ZFYVE28: variants seen among roughly 807,000 people sequenced by gnomAD.
ZFYVE28 encodes the protein lateral signaling target protein 2 homolog.
A neutral mutation model predicts 82.1 loss-of-function variants in ZFYVE28; 40 were observed. The observed-to-expected ratio is 0.49, with a 90% CI of 0.38 to 0.63. The LOEUF is 0.63. Ranked by LOEUF, ZFYVE28 falls within the 30% of genes least tolerant of loss-of-function variation. ZFYVE28 has a pLI of 0.00. For synonymous variants in ZFYVE28, 612 were observed against 546.1 expected (o/e 1.12, Z -1.68); for missense variants, 1,321 against 1,242.1 (o/e 1.06, Z -0.96).
rs185858808 is a variant in ZFYVE28, at chr4:2,385,449, C to T, written c.40-31376G>A. ...CCCTTACAGAGCTGCTGTCTCCTGA[C>T]CCCGGCCTGCCAAAGTTGGGATTTG... is the stretch of plus-strand genomic sequence containing the variant. On this transcript the variant is annotated intron_variant, in intron 1 of 12. Transcript: ENST00000290974. Among the ~76,000 whole-genome samples the T allele has an allele frequency of 2.0e-4, 30 of 152,354 alleles. No homozygotes were observed. In the East Asian group the frequency reaches 5.2e-3, roughly 26 times the overall value.
intron 7 of ZFYVE28, among the ~76,000 whole-genome samples, chr4:2,308,627 C>CAGAAAGAAAAAGAA: frequency 2.5e-5 from 2 of 79,582 alleles, no homozygotes; most frequent in East Asian, 7.5e-4. Context: ...AGAAAGAAGA[C>CAGAAAGAAAAAGAA]AGAAAGAAAG....
At chr4:2,321,840 G>A (rs866983004) in intron 6 of ZFYVE28, among the ~76,000 whole-genome samples, 13 of 152,092 alleles carry the variant, frequency 8.5e-5, no homozygotes, top group Admixed American at 2.6e-4. Flanking sequence ...TGCCTGTGCC[G>A]GGCAGCAGCG....
chr4:2,317,383 C>A (rs1235467480), intron 7 of ZFYVE28, among the ~76,000 whole-genome samples: 1 of 152,166 alleles, frequency 6.6e-6, no homozygotes, highest in African/African-American at 2.4e-5. Flanking sequence ...GGGGACTACC[C>A]CTTTCTCTGT....
chr4:2,289,248 C>T (rs1713223270), intron 8 of ZFYVE28, among the ~76,000 whole-genome samples: 2 of 152,324 alleles, frequency 1.3e-5, no homozygotes, highest in South Asian at 2.1e-4. Flanking sequence ...TGCCATTGCA[C>T]TCCAGCTTGG....
chr4:2,290,175 G>A (rs1713397066), intron 8 of ZFYVE28, among the ~76,000 whole-genome samples: 2 of 152,170 alleles, frequency 1.3e-5, no homozygotes, highest in African/African-American at 2.4e-5. Context: ...AGGGGACAAG[G>A]CCGCCCATGC....
At chr4:2,278,189 G>A (rs1468525610) in intron 8 of ZFYVE28, among the ~76,000 whole-genome samples, 1 of 151,078 alleles carries the variant, frequency 6.6e-6, no homozygotes, top group Non-Finnish European at 1.5e-5. Flanking sequence ...CATATATCTA[G>A]ATGTCAGAGC....
intron 7 of ZFYVE28, among the ~76,000 whole-genome samples, chr4:2,319,634 G>T (rs548514653): frequency 8.2e-4 from 125 of 152,348 alleles, no homozygotes; most frequent in African/African-American, 2.9e-3. Context: ...GCCACGGCTG[G>T]GCTCTGTCGG....
intron 8 of ZFYVE28, among the ~76,000 whole-genome samples, chr4:2,290,379 T>C (rs1445086322): frequency 6.6e-6 from 1 of 152,170 alleles, no homozygotes; most frequent in Non-Finnish European, 1.5e-5. Flanking sequence ...ACAATGTGCC[T>C]GGTGAGACAG....
At chr4:2,274,311 C>T (rs575590922) in intron 8 of ZFYVE28, 95 bp from the exon 9 acceptor site, 33 of 1,450,214 alleles carry the variant, frequency 2.3e-5, no homozygotes, top group Admixed American at 1.7e-4. Flanking sequence ...TCTGTGTCCT[C>T]GCAGACGCTC....
At chr4:2,404,218 A>T (rs1206000853) in intron 1 of ZFYVE28, among the ~76,000 whole-genome samples, 1 of 147,422 alleles carries the variant, frequency 6.8e-6, no homozygotes, top group Non-Finnish European at 1.5e-5. Context: ...GCTACTCAGG[A>T]GGCTGAGGCA....
In ZFYVE28 at chr4:2,395,911, C is replaced by A. The variant is rs576754449; in HGVS notation, c.39+22374G>T. 4.2e-3 allele frequency among the ~76,000 whole-genome samples: 640 copies of A among 152,304 alleles called. 4 individuals carry two copies. Among genetic ancestry groups the A allele is most frequent in the African/African-American group, 0.015 (606 of 41,562 alleles). Reference sequence around the variant, plus strand: ...AGGGGGTTCCTTGTCAGGGGCTCTCCTGTGCATTGTGGGATGGCTAGCAGC... The same window carrying A: ...AGGGGGTTCCTTGTCAGGGGCTCTCATGTGCATTGTGGGATGGCTAGCAGC... On this transcript the variant is annotated intron_variant, in intron 1 of 12. Transcript: ENST00000290974.
At chr4:2,415,935 C>T (rs1216372888) in intron 1 of ZFYVE28, among the ~76,000 whole-genome samples, 1 of 152,214 alleles carries the variant, frequency 6.6e-6, no homozygotes, top group African/African-American at 2.4e-5. Flanking sequence ...TGGCCAGAGA[C>T]AGATCTGAAA....
chr4:2,272,526 ATGTG>A (rs1240698380), intron 10 of ZFYVE28, among the ~76,000 whole-genome samples: 1 of 152,186 alleles, frequency 6.6e-6, no homozygotes, highest in Non-Finnish European at 1.5e-5. Flanking sequence ...ACATGTGTGC[ATGTG>A]TGTGGGTGTG....
At chr4:2,340,489 G>C (rs1722614205) in intron 3 of ZFYVE28, among the ~76,000 whole-genome samples, 1 of 152,228 alleles carries the variant, frequency 6.6e-6, no homozygotes, top group South Asian at 2.1e-4. Context: ...GGATGATCAA[G>C]TGATGCAGGA....
chr4:2,347,590 A>C (rs1159160470), intron 2 of ZFYVE28, among the ~76,000 whole-genome samples: 1 of 152,242 alleles, frequency 6.6e-6, no homozygotes, highest in Non-Finnish European at 1.5e-5. Context: ...CAATGGAATT[A>C]AATTAGAAAT....
rs1730185092 is a variant in ZFYVE28, at chr4:2,394,249, T to G, written c.39+24036A>C. ...AGCAGGCGTAGTTCCATCTTTAACC[T>G]TTACTTCCCCTTTGCCACACACCTC... On this transcript the variant is annotated intron_variant, in intron 1 of 12. Coordinates refer to ENST00000290974, the MANE Select transcript of ZFYVE28 (RefSeq NM_020972.3). This position sits in a 1 kb window ranked among gnomAD's most constrained non-coding sequence, Gnocchi z 4.0. 6.6e-6 allele frequency among the ~76,000 whole-genome samples: 1 copy of G among 152,160 alleles called. No individual in the cohort carries two copies. The highest frequency in any genetic ancestry group is 1.5e-5 in the Non-Finnish European group (1 of 68,024).
At chr4:2,388,239 A>G (rs888024308) in intron 1 of ZFYVE28, among the ~76,000 whole-genome samples, 2 of 152,200 alleles carry the variant, frequency 1.3e-5, no homozygotes, top group Admixed American at 1.3e-4. Flanking sequence ...TCACGACCAT[A>G]TTAAACATGG....
intron 7 of ZFYVE28, among the ~76,000 whole-genome samples, chr4:2,315,915 C>T (rs1224941197): frequency 6.6e-6 from 1 of 151,854 alleles, no homozygotes; most frequent in Non-Finnish European, 1.5e-5. Context: ...GTTTTTTAGG[C>T]CTTTTGAGTT....
chr4:2,373,559 T>C (rs114840334), intron 1 of ZFYVE28, among the ~76,000 whole-genome samples: 2,401 of 152,276 alleles, frequency 0.016, 26 homozygotes, highest in Middle Eastern at 0.034. Flanking sequence ...AAAACAGTGT[T>C]TCCTGGAGCT....
Sources: gnomAD v4.1 joint callset for allele counts (sites outside exome capture counted in the v4.1 genomes callset) on GRCh38, gnomAD v4.1.1 for gene constraint, Gnocchi (gnomAD v3.1) non-coding constraint, MANE v1.5 for transcripts, NCBI Gene and HGNC (gene_info 2026-07-23, HGNC 2026-07-21) for gene names.